SV2C: variants seen among roughly 807,000 people sequenced by gnomAD.
SV2C encodes solute carrier family 22 member B3.
SV2C carries 49 observed loss-of-function variants against 79.7 expected under a neutral mutation model. That is an observed-to-expected ratio of 0.61 (90% CI 0.49 to 0.78). The LOEUF is 0.78. Ranked by LOEUF, SV2C falls within the 30% of genes least tolerant of loss-of-function variation. SV2C has a pLI of 0.00. For synonymous variants in SV2C, 334 were observed against 333.2 expected (o/e 1.00, Z -0.03); for missense variants, 833 against 912.9 (o/e 0.91, Z 1.13).
At chr5:76,212,260 G>A (rs903612868) in intron 4 of SV2C, among the ~76,000 whole-genome samples, 1 of 152,256 alleles carries the variant, frequency 6.6e-6, no homozygotes, top group South Asian at 2.1e-4. Context: ...AATAGGAAAT[G>A]CAGAGTCCAG....
intron 12 of SV2C, among the ~76,000 whole-genome samples, chr5:76,345,949 C>T (rs1749529224): frequency 6.6e-6 from 1 of 152,186 alleles, no homozygotes; most frequent in African/African-American, 2.4e-5. Flanking sequence ...TGCATGAAAC[C>T]ACTCCTCAGA....
the SV2C span, among the ~76,000 whole-genome samples, chr5:75,936,214 G>A: frequency 3.9e-5 from 6 of 152,066 alleles, no homozygotes; most frequent in South Asian, 2.1e-4. Context: ...TCTCTCCAGC[G>A]CCCAGGTTCT....
intron 12 of SV2C, among the ~76,000 whole-genome samples, chr5:76,305,130 G>C (rs371486322): frequency 2.6e-5 from 4 of 152,134 alleles, no homozygotes; most frequent in African/African-American, 9.7e-5. Flanking sequence ...TCACCATTGC[G>C]AGGACAGTAC....
At chr5:76,058,638 A>G in the SV2C span, among the ~76,000 whole-genome samples, 2 of 152,182 alleles carry the variant, frequency 1.3e-5, no homozygotes, top group African/African-American at 4.8e-5. Context: ...TGAATATTCT[A>G]TCTTTTCATT....
the SV2C span, among the ~76,000 whole-genome samples, chr5:75,952,753 C>T: frequency 4.0e-5 from 6 of 151,876 alleles, no homozygotes; most frequent in African/African-American, 1.4e-4. Context: ...GTTTCCTGTA[C>T]AGCCTGCAGA....
chr5:75,858,041 A>G, the SV2C span, among the ~76,000 whole-genome samples: 39 of 152,346 alleles, frequency 2.6e-4, no homozygotes, highest in African/African-American at 9.4e-4. Flanking sequence ...AGATCGAATC[A>G]TCTGCAAACA....
At chr5:75,955,443 T>C in the SV2C span, among the ~76,000 whole-genome samples, 3 of 151,304 alleles carry the variant, frequency 2.0e-5, no homozygotes, top group Non-Finnish European at 4.4e-5. Flanking sequence ...ATAAAAACCC[T>C]AGAAGAAAAC....
Position 76,301,249 on chromosome 5 carries a change from GTTC to G in SV2C, c.1841-134_1841-132del, listed in dbSNP as rs928924814. 1.9e-5 allele frequency: 22 copies of G among 1,166,096 alleles called. No individual in the cohort carries two copies. The African/African-American group carries it at 3.4e-4, about 18-fold the overall frequency. The allele number at this position is 1,166,096 out of a possible 1,614,324, so 72.2% of individuals were successfully genotyped here. ...GCCTTTCATTCAGGTGAATGCACCA[GTTC>G]TTGAGCTTTATGGAGCCCATCCTGC... On this transcript the variant is annotated intron_variant, in intron 11 of 12. Coordinates refer to ENST00000502798, the MANE Select transcript of SV2C (RefSeq NM_014979.4).
the SV2C span, among the ~76,000 whole-genome samples, chr5:75,909,389 G>A: frequency 6.6e-6 from 1 of 152,192 alleles, no homozygotes; most frequent in South Asian, 2.1e-4. Context: ...AAACCAGGGA[G>A]TTGAATGGGT....
At chr5:75,956,379 C>G in the SV2C span, among the ~76,000 whole-genome samples, 1 of 123,114 alleles carries the variant, frequency 8.1e-6, no homozygotes, top group Non-Finnish European at 1.6e-5. Flanking sequence ...GGAAACATCA[C>G]ACTCTGGGGA....
At chr5:75,997,776 A>G in the SV2C span, among the ~76,000 whole-genome samples, 4 of 152,202 alleles carry the variant, frequency 2.6e-5, no homozygotes, top group African/African-American at 7.2e-5. Context: ...TGTGGAAGTT[A>G]GTGTGGCAAT....
At chr5:75,915,952 AGG>A in the SV2C span, among the ~76,000 whole-genome samples, 1 of 152,150 alleles carries the variant, frequency 6.6e-6, no homozygotes, top group Non-Finnish European at 1.5e-5. Flanking sequence ...TGCTTGCAAA[AGG>A]GGTCTTATCA....
chr5:75,942,175 T>A, the SV2C span, among the ~76,000 whole-genome samples: 1 of 152,202 alleles, frequency 6.6e-6, no homozygotes, highest in Non-Finnish European at 1.5e-5. Context: ...GGACCGAAGC[T>A]CCTATGTCTG....
the SV2C span, among the ~76,000 whole-genome samples, chr5:75,954,610 G>T: frequency 6.7e-6 from 1 of 149,604 alleles, no homozygotes; most frequent in Non-Finnish European, 1.5e-5. Context: ...AATTGTCCCT[G>T]TTTGCAGATG....
chr5:76,309,267 G>A (rs914548153), intron 12 of SV2C, among the ~76,000 whole-genome samples: 1 of 152,076 alleles, frequency 6.6e-6, no homozygotes, highest in African/African-American at 2.4e-5. Flanking sequence ...TCCCTCTAAT[G>A]GCCAGAAAGA....
At chr5:76,064,909 G>A in the SV2C span, among the ~76,000 whole-genome samples, 1 of 152,134 alleles carries the variant, frequency 6.6e-6, no homozygotes, top group Non-Finnish European at 1.5e-5. Context: ...AAGAACAACA[G>A]AGAAAGCTAT....
chr5:76,043,071 C>G, the SV2C span, among the ~76,000 whole-genome samples: 88,229 of 152,022 alleles, frequency 0.58, 27,615 homozygotes, highest in African/African-American at 0.82. Flanking sequence ...TCTGTTAGGC[C>G]AATTGTTTTG....
chr5:75,941,995 T>C, the SV2C span, among the ~76,000 whole-genome samples: 1 of 152,212 alleles, frequency 6.6e-6, no homozygotes, highest in South Asian at 2.1e-4. Flanking sequence ...TCATATCCTT[T>C]TTGTCCAATC....
At chr5:76,201,758 C>T in intron 3 of SV2C, among the ~76,000 whole-genome samples, 1 of 152,066 alleles carries the variant, frequency 6.6e-6, no homozygotes, top group East Asian at 1.9e-4. Flanking sequence ...GTGGCTCATG[C>T]CTGTAATCCC....
Sources: gnomAD v4.1 joint callset for allele counts (sites outside exome capture counted in the v4.1 genomes callset) on GRCh38, gnomAD v4.1.1 for gene constraint, MANE v1.5 for transcripts, NCBI Gene and HGNC (gene_info 2026-07-23, HGNC 2026-07-21) for gene names.